Variants in GOLT1B observed in about 807,000 individuals in gnomAD.
The protein encoded by GOLT1B is vesicle transport protein GOT1B.
Under a neutral mutation model 15.4 loss-of-function variants are expected in GOLT1B, and 3 were observed. The ratio of observed to expected loss-of-function variants is 0.19; its 90% CI spans 0.09 to 0.50. GOLT1B has a LOEUF of 0.50. GOLT1B is among the 20% of genes least tolerant of loss of function. GOLT1B has a pLI of 0.97. For synonymous variants in GOLT1B, 65 were observed against 56.2 expected (o/e 1.16, Z -0.70); for missense variants, 145 against 160.4 (o/e 0.90, Z 0.52).
chr12:21,509,036 A>T (rs893061682), intron 3 of GOLT1B, among the ~76,000 whole-genome samples: 9 of 152,156 alleles, frequency 5.9e-5, no homozygotes, highest in African/African-American at 2.2e-4. Flanking sequence ...ACTATGGGAG[A>T]TTTTGAGCAG....
In GOLT1B at chr12:21,515,652, T is replaced by A; in HGVS notation, c.379-17T>A. On this transcript the variant is annotated splice_polypyrimidine_tract_variant and intron_variant, in intron 4 of 4. Coordinates refer to ENST00000229314, the MANE Select transcript of GOLT1B (RefSeq NM_016072.5). ...TTCCGGGCTTTCTTTAATTCTCTGT[T>A]TTTCTTCTCCTTACAGTTTGTAGAT... 7.7e-7 allele frequency: 1 copy of A among 1,296,178 alleles called. No homozygotes were observed. The highest frequency in any genetic ancestry group is 1.1e-6 in the Non-Finnish European group (1 of 904,170). 80.3% of individuals were successfully genotyped at this position (1,296,178 alleles called of 1,614,324 possible). A position where few individuals can be genotyped will look rare whatever the true frequency, so the allele number is the denominator to read the frequency against.
intron 4 of GOLT1B, among the ~76,000 whole-genome samples, chr12:21,514,625 A>G (rs1943742922): frequency 6.6e-6 from 1 of 152,198 alleles, no homozygotes; most frequent in Non-Finnish European, 1.5e-5. Context: ...GTTGGAATGT[A>G]GGCTTATAGG....
intron 1 of GOLT1B, among the ~76,000 whole-genome samples, chr12:21,505,242 C>G (rs911947161): frequency 1.2e-4 from 18 of 151,982 alleles, no homozygotes; most frequent in African/African-American, 3.9e-4. Flanking sequence ...AAAAACATCT[C>G]AGAATTTTTA....
chr12:21,512,183 G>T, intron 3 of GOLT1B, 112 bp from the exon 4 acceptor site: 1 of 655,676 alleles, frequency 1.5e-6, no homozygotes, highest in South Asian at 1.9e-5. Flanking sequence ...TAAGTTTGAA[G>T]ACCCTCAATT....
At chr12:21,511,164 C>G (rs1053358092) in intron 3 of GOLT1B, among the ~76,000 whole-genome samples, 23 of 152,222 alleles carry the variant, frequency 1.5e-4, no homozygotes, top group African/African-American at 5.1e-4. Context: ...CTGATCAGCT[C>G]TAAGTTGGGG....
intron 3 of GOLT1B, among the ~76,000 whole-genome samples, chr12:21,512,015 C>T (rs553115753): frequency 6.6e-6 from 1 of 152,274 alleles, no homozygotes; most frequent in South Asian, 2.1e-4. Context: ...TCAACAGCCC[C>T]TTTCTTTTTA....
chr12:21,506,413 C>G (rs569447950), intron 1 of GOLT1B, among the ~76,000 whole-genome samples: 1 of 151,996 alleles, frequency 6.6e-6, no homozygotes, highest in East Asian at 1.9e-4. Context: ...GCGGACCTAC[C>G]ATAACATTTC....
intron 1 of GOLT1B, among the ~76,000 whole-genome samples, chr12:21,505,815 A>G (rs1240561788): frequency 6.6e-6 from 1 of 152,112 alleles, no homozygotes. Flanking sequence ...CTGTATGCAG[A>G]TTGTGCTTCT....
intron 1 of GOLT1B, among the ~76,000 whole-genome samples, chr12:21,506,040 C>T (rs200764166): frequency 0.013 from 641 of 48,262 alleles, 6 homozygotes; most frequent in African/African-American, 0.03. Context: ...TTAAAGCTTA[C>T]ACCTCGTCTA....
intron 3 of GOLT1B, among the ~76,000 whole-genome samples, chr12:21,511,441 C>T (rs866210810): frequency 8.9e-5 from 13 of 146,072 alleles, no homozygotes; most frequent in Non-Finnish European, 1.5e-4. Flanking sequence ...CATTACTAGG[C>T]ATGATTGATT....
At chr12:21,511,813 A>G (rs1943721972) in intron 3 of GOLT1B, among the ~76,000 whole-genome samples, 1 of 152,228 alleles carries the variant, frequency 6.6e-6, no homozygotes, top group Non-Finnish European at 1.5e-5. Context: ...TAACTGATCT[A>G]CTGTCAATTT....
chr12:21,503,392 G>GAAACCTTT (rs942810993), intron 1 of GOLT1B, among the ~76,000 whole-genome samples: 7 of 152,190 alleles, frequency 4.6e-5, no homozygotes, highest in African/African-American at 1.7e-4. Context: ...TGCTGGCTCA[G>GAAACCTTT]AAACCTTTTG....
chr12:21,506,010 A>G (rs544188749), intron 1 of GOLT1B, among the ~76,000 whole-genome samples: 6 of 146,328 alleles, frequency 4.1e-5, no homozygotes, highest in South Asian at 2.3e-4. Context: ...TTAATTTTAT[A>G]TACAAGATAA....
Position 21,516,357 on chromosome 12 carries a change from C to G in GOLT1B, c.*650C>G, listed in dbSNP as rs898662638. The G allele has an allele frequency of 2.0e-5, 3 of 152,036 alleles. No homozygotes were observed. Among genetic ancestry groups the G allele is most frequent in the Non-Finnish European group, 4.4e-5 (3 of 67,960 alleles). The allele number at this position is 152,036 out of a possible 1,614,324, so 9.4% of individuals were successfully genotyped here. A position where few individuals can be genotyped will look rare whatever the true frequency, so the allele number is the denominator to read the frequency against. ...GTCATTCTTTACTAACTTTTAGTTA[C>G]TAAATTATAGCTAAGTTTTGTCAGC... On this transcript the variant is annotated 3_prime_UTR_variant, in exon 5 of 5. Transcript: ENST00000229314.
intron 1 of GOLT1B, among the ~76,000 whole-genome samples, chr12:21,505,826 A>G (rs1943674679): frequency 6.6e-6 from 1 of 152,098 alleles, no homozygotes; most frequent in Non-Finnish European, 1.5e-5. Context: ...TTGTGCTTCT[A>G]ACTAAACTAC....
At chr12:21,514,436 T>C (rs1170243556) in intron 4 of GOLT1B, among the ~76,000 whole-genome samples, 1 of 152,130 alleles carries the variant, frequency 6.6e-6, no homozygotes, top group Non-Finnish European at 1.5e-5. Context: ...CCAGGGTAAT[T>C]TTAGGGTCAG....
Position 21,512,317 on chromosome 12 carries a change from G to GGCT in GOLT1B, c.320_322dup (p.Gly107_Phe108insCys). On this transcript the variant is annotated inframe_insertion, in exon 4 of 5. Coordinates refer to ENST00000229314, the MANE Select transcript of GOLT1B (RefSeq NM_016072.5). ...CAGGGGCTTCTTTCCTGTCGTTGTT[G>GGCT]GCTTTATTAGAAGAGTGCCAGTCCT... 1 of 1,567,320 alleles carries GGCT rather than the reference G, an allele frequency of 6.4e-7. No individual in the cohort carries two copies. The highest frequency in any genetic ancestry group is 8.8e-7 in the Non-Finnish European group (1 of 1,138,872).
At chr12:21,512,229 G>T in intron 3 of GOLT1B, 66 bp from the exon 4 acceptor site, 1 of 816,736 alleles carries the variant, frequency 1.2e-6, no homozygotes, top group South Asian at 1.5e-5. Flanking sequence ...CTTTTTCCTT[G>T]GTTAGCAATT....
At chr12:21,504,083 A>C (rs549418657) in intron 1 of GOLT1B, among the ~76,000 whole-genome samples, 1 of 152,234 alleles carries the variant, frequency 6.6e-6, no homozygotes, top group Non-Finnish European at 1.5e-5. Context: ...AAGATATCAA[A>C]ATGCTAACAG....
Sources: gnomAD v4.1 joint callset for allele counts (sites outside exome capture counted in the v4.1 genomes callset) on GRCh38, gnomAD v4.1.1 for gene constraint, MANE v1.5 for transcripts, NCBI Gene and HGNC (gene_info 2026-07-23, HGNC 2026-07-21) for gene names.